CASD1: variants seen among roughly 807,000 people sequenced by gnomAD.
CASD1 encodes CAS1 domain sialic acid O acetyltransferase 1, also known as N-acetylneuraminate (7)9-O-acetyltransferase.
In CASD1, 41 loss-of-function variants were observed where a neutral mutation model predicts 100.0. The ratio of observed to expected loss-of-function variants is 0.41; its 90% CI spans 0.32 to 0.53. The LOEUF (loss-of-function observed/expected upper bound fraction) is 0.53, where lower values mean the gene tolerates loss of function less well. Ranked by LOEUF, CASD1 falls within the 20% of genes least tolerant of loss-of-function variation. CASD1 has a pLI of 0.25. For missense variants in CASD1, 774 were observed against 948.7 expected, an observed-to-expected ratio of 0.82 and a Z score of 2.42; for synonymous variants, 321 against 315.6, an observed-to-expected ratio of 1.02 and a Z score of -0.18.
chr7:94,525,224 A>G lies in CASD1; in HGVS notation c.352-1938A>G, dbSNP rs758479366. ...TTCGTTTAATTCTGTCAGCTTTGCTATAAGATTGAAAATTTTTAAAATTGA... is the reference window on the plus strand; with the variant it reads ...TTCGTTTAATTCTGTCAGCTTTGCTGTAAGATTGAAAATTTTTAAAATTGA... On this transcript the variant is annotated intron_variant, in intron 3 of 17. Coordinates refer to ENST00000297273, the MANE Select transcript of CASD1 (RefSeq NM_022900.5). Among the ~76,000 whole-genome samples the G allele has an allele frequency of 1.1e-4, 16 of 152,334 alleles. No individual in the cohort carries two copies. In the East Asian group the frequency reaches 2.9e-3, roughly 28 times the overall value.
chr7:94,579,802 A>G, the CASD1 span, among the ~76,000 whole-genome samples: 13 of 152,078 alleles, frequency 8.5e-5, no homozygotes, highest in Admixed American at 4.6e-4. Flanking sequence ...CTGAGTTTCA[A>G]ATTCATATAT....
chr7:94,537,557 C>T lies in CASD1; in HGVS notation c.929C>T (p.Thr310Ile). The change falls in exon 9 of 18, where the codon ACT becomes ATT. Residue 310 changes from threonine to isoleucine, a missense_variant. Thr to Ile is a moderately conservative substitution (Grantham distance 89, BLOSUM62 -1). Transcript: ENST00000297273. The stretch of plus-strand genomic sequence containing the variant: ...TGTTGTCAACCTCGGCCTCCTGTTA[C>T]TCTCATACAGAAGCTAGCTGCTTGT... Reference protein sequence around the residue: ...GSCCQPRPPVTLIQKLAACFF... With the variant: ...GSCCQPRPPVILIQKLAACFF... The T allele has an allele frequency of 1.2e-6, 2 of 1,613,884 alleles. No homozygotes were observed. Among genetic ancestry groups the T allele is most frequent in the Non-Finnish European group, 1.7e-6 (2 of 1,179,858 alleles).
chr7:94,513,947 T>A (rs1027703458), intron 1 of CASD1, among the ~76,000 whole-genome samples: 5 of 152,188 alleles, frequency 3.3e-5, no homozygotes, highest in African/African-American at 1.2e-4. Context: ...TTCCAAATGT[T>A]ATCAATTTCT....
downstream of CASD1, among the ~76,000 whole-genome samples, chr7:94,559,960 A>G (rs1018005495): frequency 6.6e-6 from 1 of 152,232 alleles, no homozygotes; most frequent in Non-Finnish European, 1.5e-5. Flanking sequence ...AAAAGCTTAT[A>G]CTATCATTCA....
Position 94,517,652 on chromosome 7 carries a change from A to G in CASD1, c.226A>G (p.Ile76Val). Residue 76 changes from isoleucine to valine, a missense_variant, in exon 2 of 18, where the codon ATC becomes GTC. This residue lies in a region of CASD1 where 61 missense variants were observed against 115.9 expected (regional missense o/e 0.53). Transcript: ENST00000297273. ...PHSCMMHKYK[I>V]SEAKNCLVDK... ...CAGTTGTATGATGCATAAATACAAA[A>G]TCAGGTAACATTTCTTCATTTTGTT... 1 of 1,585,908 alleles carries G rather than the reference A, an allele frequency of 6.3e-7. No homozygotes were observed. Among genetic ancestry groups the G allele is most frequent in the South Asian group, 1.1e-5 (1 of 89,216 alleles).
chr7:94,552,429 T>TAC lies in CASD1; in HGVS notation c.2034+3_2034+4dup, dbSNP rs752509610. The TAC allele has an allele frequency of 1.9e-6, 3 of 1,588,498 alleles. No homozygotes were observed. Among genetic ancestry groups the TAC allele is most frequent in the Non-Finnish European group, 2.6e-6 (3 of 1,171,278 alleles). On this transcript the variant is annotated splice_region_variant and intron_variant, in intron 16 of 17. Coordinates refer to ENST00000297273, the MANE Select transcript of CASD1 (RefSeq NM_022900.5). ...CATCCGTCTGTTTCTGTGGTACAGGTACTATCTTGATTTAGAGAAATTTCT... is the reference window on the plus strand; with the variant it reads ...CATCCGTCTGTTTCTGTGGTACAGGTACACTATCTTGATTTAGAGAAATTTCT...
the CASD1 span, chr7:94,587,936 T>A: frequency 7.0e-7 from 1 of 1,426,002 alleles, no homozygotes; most frequent in Non-Finnish European, 9.1e-7. Context: ...AATGCCGCTA[T>A]TCATACTCAG....
chr7:94,530,722 G>A (rs1241888900), intron 5 of CASD1, among the ~76,000 whole-genome samples: 2 of 151,980 alleles, frequency 1.3e-5, no homozygotes, highest in Admixed American at 6.6e-5. Flanking sequence ...TATGGATTGA[G>A]GTAATATTTG....
At chr7:94,541,715 C>T (rs896386215) in intron 10 of CASD1, among the ~76,000 whole-genome samples, 9 of 151,642 alleles carry the variant, frequency 5.9e-5, no homozygotes, top group African/African-American at 2.2e-4. Flanking sequence ...ATTCTTAATA[C>T]TAAACTTTTG....
rs1285287282 is a variant in CASD1, at chr7:94,544,420, G to A, written c.1366G>A (p.Val456Ile). Residue 456 changes from valine to isoleucine, a missense_variant, in exon 11 of 18, where the codon GTA (valine) becomes ATA (isoleucine). Around this residue, in one of 5 missense-constraint regions of CASD1, gnomAD observed 453 missense variants for 532.6 expected, o/e 0.85. Transcript: ENST00000297273. Reference sequence around the variant, plus strand: ...TTATCTTTGTCAACAGTTTTTGCCTGTATACATGCACATTCGAGTTCTGGT... The same window carrying A: ...TTATCTTTGTCAACAGTTTTTGCCTATATACATGCACATTCGAGTTCTGGT... ...HISGASTFLP[V>I]YMHIRVLVAA... The A allele has an allele frequency of 6.2e-7, 1 of 1,612,786 alleles. No homozygotes were observed. Among genetic ancestry groups the A allele is most frequent in the Non-Finnish European group, 8.5e-7 (1 of 1,179,334 alleles).
chr7:94,534,335 T>G (rs960156266), intron 7 of CASD1, among the ~76,000 whole-genome samples: 5 of 151,930 alleles, frequency 3.3e-5, no homozygotes, highest in African/African-American at 1.2e-4. Flanking sequence ...CCCAGCTAAT[T>G]TTTTGTATGT....
At chr7:94,576,748 G>A in the CASD1 span, among the ~76,000 whole-genome samples, 1 of 152,134 alleles carries the variant, frequency 6.6e-6, no homozygotes, top group Non-Finnish European at 1.5e-5. Context: ...CACTGGGAAG[G>A]GTTACTTGGA....
chr7:94,547,301 C>A, intron 13 of CASD1, 126 bp downstream of exon 13: 2 of 584,144 alleles, frequency 3.4e-6, no homozygotes, highest in South Asian at 2.9e-5. Flanking sequence ...ATAAAAGTGT[C>A]ACTCTGAAGC....
chr7:94,598,634 T>G, the CASD1 span: 3 of 726,922 alleles, frequency 4.1e-6, no homozygotes, highest in Non-Finnish European at 7.4e-6. Flanking sequence ...AGAGTAGGGG[T>G]GAGATTTACA....
the CASD1 span, among the ~76,000 whole-genome samples, chr7:94,573,880 C>T: frequency 1.3e-5 from 2 of 152,108 alleles, no homozygotes; most frequent in Non-Finnish European, 2.9e-5. Context: ...ATAGATGGCT[C>T]TCATTATTTT....
chr7:94,511,122 G>A (rs1490921928), intron 1 of CASD1, among the ~76,000 whole-genome samples: 2 of 152,172 alleles, frequency 1.3e-5, no homozygotes, highest in African/African-American at 4.8e-5. Flanking sequence ...ATGTCACTGG[G>A]AGAGAGGCTG....
chr7:94,605,543 C>G, the CASD1 span, among the ~76,000 whole-genome samples: 1 of 151,860 alleles, frequency 6.6e-6, no homozygotes, highest in African/African-American at 2.4e-5. Context: ...GAGGGAAAGA[C>G]AGGGATTATT....
chr7:94,629,606 T>A, the CASD1 span: 1 of 964,310 alleles, frequency 1.0e-6, no homozygotes, highest in Admixed American at 1.8e-5. Context: ...TTATCACATA[T>A]TTAGACCATT....
At chr7:94,546,843 A>G (rs765977960) in intron 12 of CASD1, among the ~76,000 whole-genome samples, 1 of 151,854 alleles carries the variant, frequency 6.6e-6, no homozygotes, top group Non-Finnish European at 1.5e-5. Context: ...TTAAAAATAC[A>G]TTTCTAATGG....
Sources: gnomAD v4.1 joint callset for allele counts (sites outside exome capture counted in the v4.1 genomes callset) on GRCh38, gnomAD v4.1.1 for gene constraint, gnomAD v4.1.1 regional missense constraint, MANE v1.5 for transcripts, NCBI Gene and HGNC (gene_info 2026-07-23, HGNC 2026-07-21) for gene names.